Variants in CTNNA3 observed in about 807,000 individuals in gnomAD.
CTNNA3 encodes catenin alpha 3, also known as catenin alpha-3.
A neutral mutation model predicts 95.7 loss-of-function variants in CTNNA3; 76 were observed. The ratio of observed to expected loss-of-function variants is 0.79; its 90% CI spans 0.66 to 0.96. The LOEUF (loss-of-function observed/expected upper bound fraction) is 0.96, where lower values mean the gene tolerates loss of function less well. Ranked by LOEUF, CTNNA3 falls within the 40% of genes least tolerant of loss-of-function variation. The pLI, the probability that CTNNA3 is intolerant of heterozygous loss-of-function variation, is 0.00. For missense variants in CTNNA3, 1,191 were observed against 1,089.8 expected (o/e 1.09, Z -1.31); for synonymous variants, 431 against 374.4 (o/e 1.15, Z -1.74).
chr10:67,335,006 C>T (rs1841938240), intron 5 of CTNNA3: 1 of 152,072 alleles, frequency 6.6e-6, no homozygotes, highest in African/African-American at 2.4e-5. Context: ...CTTCATGACA[C>T]TGTTTCCTCA....
At chr10:67,543,197 T>TA (rs964115609) in intron 3 of CTNNA3, among the ~76,000 whole-genome samples, 9 of 151,884 alleles carry the variant, frequency 5.9e-5, no homozygotes, top group African/African-American at 1.2e-4. Context: ...TTTTAATCGT[T>TA]AAAAAAAATC....
intron 5 of CTNNA3, among the ~76,000 whole-genome samples, chr10:67,328,102 T>C (rs753585564): frequency 1.3e-5 from 2 of 151,792 alleles, no homozygotes; most frequent in Non-Finnish European, 1.5e-5. Flanking sequence ...CAAATGCTGA[T>C]GGTCAAGAAA....
chr10:66,764,557 G>A (rs998610210), intron 9 of CTNNA3, among the ~76,000 whole-genome samples: 4 of 152,184 alleles, frequency 2.6e-5, no homozygotes, highest in Admixed American at 6.6e-5. Context: ...CTGAGAAATA[G>A]GAAGAGGAAT....
intron 13 of CTNNA3, among the ~76,000 whole-genome samples, chr10:66,146,989 GAA>G (rs2083918081): frequency 2.0e-5 from 3 of 152,300 alleles, no homozygotes; most frequent in Admixed American, 1.3e-4. Flanking sequence ...AAGTCAGAAA[GAA>G]ATGCTTTTGT....
intron 11 of CTNNA3, among the ~76,000 whole-genome samples, chr10:66,409,922 A>G (rs2093089661): frequency 6.6e-6 from 1 of 152,132 alleles, no homozygotes; most frequent in South Asian, 2.1e-4. Context: ...GGAAATCTCC[A>G]TACTCAGGAA....
At position 67,031,844 on chromosome 10, in the gene CTNNA3, C is replaced by A. The variant is rs183490679; in HGVS notation, c.1047+148473G>T. On this transcript the variant is annotated intron_variant, in intron 7 of 17. Coordinates refer to ENST00000433211, the MANE Select transcript of CTNNA3 (RefSeq NM_013266.4). ...GAATCAAGAAGGACAGATCAGAGGT[C>A]ATTTTGAGCAGCCTCTTTTATTGGG... Among the ~76,000 whole-genome samples, 614 of 152,286 alleles carry A rather than the reference C, an allele frequency of 4.0e-3. 3 individuals are homozygous for A. Among genetic ancestry groups the A allele is most frequent in the South Asian group, 0.012 (59 of 4,820 alleles).
At chr10:66,555,702 C>T (rs927391434) in intron 10 of CTNNA3, among the ~76,000 whole-genome samples, 3 of 151,910 alleles carry the variant, frequency 2.0e-5, no homozygotes, top group Non-Finnish European at 4.4e-5. Flanking sequence ...GTCCAAATTA[C>T]CTAGTCCACC....
chr10:65,986,848 G>C (rs1358245177), intron 16 of CTNNA3, among the ~76,000 whole-genome samples: 1 of 150,208 alleles, frequency 6.7e-6, no homozygotes, highest in Non-Finnish European at 1.5e-5. Flanking sequence ...CATGGTACTG[G>C]CATTAAAAAA....
At chr10:67,171,569 T>C (rs1288459478) in intron 7 of CTNNA3, among the ~76,000 whole-genome samples, 7 of 150,426 alleles carry the variant, frequency 4.7e-5, no homozygotes, top group Admixed American at 2.6e-4. Context: ...AGTGAAACTC[T>C]GTCTCAAAAA....
chr10:66,422,793 T>A (rs920113265), intron 11 of CTNNA3, among the ~76,000 whole-genome samples: 5 of 151,944 alleles, frequency 3.3e-5, no homozygotes, highest in African/African-American at 1.2e-4. Flanking sequence ...CCACACCTGG[T>A]TAATTTTTGT....
At chr10:66,252,098 T>A (rs1175606033) in intron 13 of CTNNA3, among the ~76,000 whole-genome samples, 1 of 152,202 alleles carries the variant, frequency 6.6e-6, no homozygotes, top group African/African-American at 2.4e-5. Context: ...AGGGCAACTT[T>A]GAAAAGAAGG....
chr10:66,998,917 C>T (rs2140373), intron 7 of CTNNA3, among the ~76,000 whole-genome samples: 79,283 of 151,834 alleles, frequency 0.52, 21,324 homozygotes, highest in Middle Eastern at 0.74. Context: ...CACTTAAATA[C>T]ATAATAAGCT....
intron 6 of CTNNA3, among the ~76,000 whole-genome samples, chr10:67,184,403 A>G (rs527986074): frequency 7.3e-4 from 111 of 152,256 alleles, no homozygotes; most frequent in African/African-American, 2.5e-3. Flanking sequence ...CTTGATATCA[A>G]TTGTTTAAAA....
chr10:66,088,848 T>G (rs1589369046), intron 14 of CTNNA3, among the ~76,000 whole-genome samples: 1 of 152,132 alleles, frequency 6.6e-6, no homozygotes, highest in East Asian at 1.9e-4. Context: ...TTACTATAAA[T>G]GTACATGTAT....
chr10:67,626,287 G>T (rs943024063), intron 2 of CTNNA3, among the ~76,000 whole-genome samples: 3 of 151,902 alleles, frequency 2.0e-5, no homozygotes, highest in Admixed American at 6.6e-5. Context: ...CCCTTCCATG[G>T]ACAGTTATGT....
At chr10:67,676,060 G>C (rs1303551424) in intron 1 of CTNNA3, among the ~76,000 whole-genome samples, 1 of 151,934 alleles carries the variant, frequency 6.6e-6, no homozygotes, top group Non-Finnish European at 1.5e-5. Flanking sequence ...ACTAAAGGCC[G>C]AGGCACCCAA....
intron 6 of CTNNA3, among the ~76,000 whole-genome samples, chr10:67,211,607 G>A (rs903480651): frequency 4.6e-5 from 7 of 152,012 alleles, no homozygotes; most frequent in East Asian, 1.9e-4. Flanking sequence ...CTTGCTAGGC[G>A]GTGACAATAT....
At chr10:66,941,900 A>G (rs1848016391) in intron 7 of CTNNA3, among the ~76,000 whole-genome samples, 1 of 152,222 alleles carries the variant, frequency 6.6e-6, no homozygotes, top group Non-Finnish European at 1.5e-5. Flanking sequence ...ATGGGCCGGC[A>G]GAGTTTTAAA....
chr10:66,178,399 GTATATATATATATATATA>G (rs71035113), intron 13 of CTNNA3, among the ~76,000 whole-genome samples: 8,030 of 91,156 alleles, frequency 0.088, 377 homozygotes, highest in Non-Finnish European at 0.13. Flanking sequence ...CCTTGAAAGT[GTATATATATATATATATA>G]TATATATATA....
Sources: gnomAD v4.1 joint callset for allele counts (sites outside exome capture counted in the v4.1 genomes callset) on GRCh38, gnomAD v4.1.1 for gene constraint, MANE v1.5 for transcripts, NCBI Gene and HGNC (gene_info 2026-07-23, HGNC 2026-07-21) for gene names.